USP15: variants seen among roughly 807,000 people sequenced by gnomAD.
The protein encoded by USP15 is ubiquitin specific peptidase 15.
USP15 carries 18 observed loss-of-function variants against 127.1 expected under a neutral mutation model. The observed-to-expected ratio is 0.14, with a 90% CI of 0.10 to 0.21. The LOEUF is 0.21. Among genes scored for constraint, USP15 ranks in the 10% least tolerant of loss-of-function variants. The probability of loss-of-function intolerance (pLI) is 1.00; values close to 1 mark genes in which losing one functional copy is unlikely to be tolerated. For synonymous variants in USP15, 364 were observed against 393.7 expected (o/e 0.92, Z 0.89); for missense variants, 805 against 1,159.9 (o/e 0.69, Z 4.44).
Position 62,381,656 on chromosome 12 carries a change from C to G in USP15, c.1082C>G (p.Ala361Gly), listed in dbSNP as rs756903278. Residue 361 changes from alanine to glycine, a missense_variant, in exon 9 of 22, where the codon GCC (alanine) becomes GGC (glycine). Coordinates refer to ENST00000280377, the MANE Select transcript of USP15 (RefSeq NM_001252078.2). ...SGKFSYVTPR[A>G]FKTQVGRFAP... is the part of the protein sequence containing the mutation. ...AAGTTTAGCTACGTCACCCCAAGAGCCTTTAAGGTTAGTGTGGTAAATGCA... is the reference window on the plus strand; with the variant it reads ...AAGTTTAGCTACGTCACCCCAAGAGGCTTTAAGGTTAGTGTGGTAAATGCA... The G allele has an allele frequency of 6.2e-7, 1 of 1,609,224 alleles. No individual in the cohort carries two copies. The highest frequency in any genetic ancestry group is 1.1e-5 in the South Asian group (1 of 90,506).
chr12:62,336,008 A>G, intron 6 of USP15: 3 of 984,604 alleles, frequency 3.0e-6, no homozygotes, highest in Non-Finnish European at 3.6e-6. Context: ...AGGAGGCATC[A>G]TTCATATCAT....
intron 1 of USP15, among the ~76,000 whole-genome samples, chr12:62,278,047 C>T (rs2063541959): frequency 6.6e-6 from 1 of 152,166 alleles, no homozygotes; most frequent in African/African-American, 2.4e-5. Context: ...ATATTTTCTT[C>T]ATATCCTTAT....
At chr12:62,377,037 T>A (rs952383584) in intron 8 of USP15, among the ~76,000 whole-genome samples, 2 of 152,144 alleles carry the variant, frequency 1.3e-5, no homozygotes, top group African/African-American at 4.8e-5. Context: ...ATTATACATT[T>A]TTAATTTTAT....
rs542806624 is a variant in USP15 at position 62,274,416 on chromosome 12, CAACA to C, written c.89+13916_89+13919del. The C allele has an allele frequency of 1.4e-4, 15 of 105,918 alleles. No individual in the cohort carries two copies. The South Asian group carries it at 2.3e-3, about 16-fold the overall frequency. The allele number at this position is 105,918 out of a possible 1,614,324, so 6.6% of individuals were successfully genotyped here. On this transcript the variant is annotated intron_variant, in intron 1 of 21. Transcript: ENST00000280377. ...AGCATAAACATGTACAAATCAGCAA[CAACA>C]AAAAAAAAAAACGGTGCATTTACTA...
chr12:62,297,055 T>G (rs2064151595), intron 2 of USP15, among the ~76,000 whole-genome samples: 1 of 152,134 alleles, frequency 6.6e-6, no homozygotes, highest in Non-Finnish European at 1.5e-5. Context: ...AACCTGAGGC[T>G]TCTCTCCCAG....
chr12:62,335,214 G>T (rs987610543), intron 6 of USP15: 3 of 1,535,286 alleles, frequency 2.0e-6, no homozygotes, highest in Admixed American at 3.9e-5. Flanking sequence ...TTCCACATAC[G>T]TCACAGAAAG....
intron 3 of USP15, among the ~76,000 whole-genome samples, chr12:62,308,856 C>T (rs572863303): frequency 1.4e-4 from 22 of 152,174 alleles, no homozygotes; most frequent in African/African-American, 4.8e-4. Context: ...TATCCCCCAA[C>T]TATCTAGAAA....
At chr12:62,291,638 C>A (rs2137141433) in intron 1 of USP15, among the ~76,000 whole-genome samples, 1 of 152,300 alleles carries the variant, frequency 6.6e-6, no homozygotes, top group South Asian at 2.1e-4. Flanking sequence ...AAACACATTT[C>A]TCAGTTTGAA....
chr12:62,373,124 G>C (rs1490082472), intron 8 of USP15, among the ~76,000 whole-genome samples: 1 of 151,904 alleles, frequency 6.6e-6, no homozygotes, highest in Non-Finnish European at 1.5e-5. Flanking sequence ...TGTCATAAGT[G>C]AATCCTCTAT....
intron 1 of USP15, among the ~76,000 whole-genome samples, chr12:62,263,849 C>T (rs988588104): frequency 2.6e-5 from 4 of 152,102 alleles, no homozygotes; most frequent in Non-Finnish European, 5.9e-5. Context: ...GAATTAAAAA[C>T]AATTTTCAGA....
chr12:62,374,304 T>A, intron 8 of USP15: 5 of 865,520 alleles, frequency 5.8e-6, no homozygotes, highest in Non-Finnish European at 6.9e-6. Flanking sequence ...TGAGTGGTAT[T>A]ACCTTTTGAT....
intron 19 of USP15, chr12:62,393,624 C>T (rs946305999): frequency 6.5e-6 from 1 of 154,212 alleles, no homozygotes; most frequent in Admixed American, 6.5e-5. Flanking sequence ...GGGTCTCACT[C>T]TGTTGCCCAG....
Position 62,264,019 on chromosome 12 carries a change from C to T in USP15, c.89+3516C>T, listed in dbSNP as rs145894248. Reference sequence around the variant, plus strand: ...AAAAAAAGTTTTTGAAACAGAGTCTCGCTGTGTCGCCCAGGCTAGAGTACA... The same window carrying T: ...AAAAAAAGTTTTTGAAACAGAGTCTTGCTGTGTCGCCCAGGCTAGAGTACA... On this transcript the variant is annotated intron_variant, in intron 1 of 21. Transcript: ENST00000280377. Among the ~76,000 whole-genome samples, 342 of 152,210 alleles carry T rather than the reference C, an allele frequency of 2.2e-3. 1 individual carries two copies. The highest frequency in any genetic ancestry group is 3.8e-3 in the Non-Finnish European group (257 of 68,006).
chr12:62,355,824 T>C (rs2066108164), intron 8 of USP15, among the ~76,000 whole-genome samples: 1 of 123,724 alleles, frequency 8.1e-6, no homozygotes, highest in African/African-American at 3.3e-5. Context: ...ACTTTTTTTT[T>C]CTTTTTTTTT....
At chr12:62,279,015 A>C (rs1187143015) in intron 1 of USP15, 1 of 152,162 alleles carries the variant, frequency 6.6e-6, no homozygotes. Flanking sequence ...CATTGTAGTA[A>C]GAATACTTAA....
At chr12:62,267,231 C>T (rs955579373) in intron 1 of USP15, 3 of 152,120 alleles carry the variant, frequency 2.0e-5, no homozygotes, top group African/African-American at 4.8e-5. Flanking sequence ...TCGCCAGACT[C>T]GTTCTCCCAT....
chr12:62,392,238 T>G, intron 17 of USP15, 34 bp from the exon 18 acceptor site: 2 of 1,420,110 alleles, frequency 1.4e-6, no homozygotes, highest in Non-Finnish European at 2.0e-6. Flanking sequence ...TTTGTTTCAT[T>G]TGTTCTCTTA....
intron 18 of USP15, among the ~76,000 whole-genome samples, chr12:62,392,761 C>T (rs1347201153): frequency 6.6e-6 from 1 of 152,030 alleles, no homozygotes; most frequent in African/African-American, 2.4e-5. Context: ...TACCTGTCTT[C>T]CAGCACAGAT....
intron 7 of USP15, among the ~76,000 whole-genome samples, chr12:62,351,195 T>C (rs942816822): frequency 1.3e-5 from 2 of 151,840 alleles, no homozygotes; most frequent in African/African-American, 4.8e-5. Context: ...GTAATAATAT[T>C]ACAACATAGT....
Sources: gnomAD v4.1 joint callset for allele counts (sites outside exome capture counted in the v4.1 genomes callset) on GRCh38, gnomAD v4.1.1 for gene constraint, MANE v1.5 for transcripts, NCBI Gene and HGNC (gene_info 2026-07-23, HGNC 2026-07-21) for gene names.